HIBCH: variants seen among roughly 807,000 people sequenced by gnomAD.
HIBCH encodes 3-hydroxyisobutyryl-CoA hydrolase, mitochondrial.
A neutral mutation model predicts 58.2 loss-of-function variants in HIBCH; 50 were observed. The ratio of observed to expected loss-of-function variants is 0.86; its 90% CI spans 0.68 to 1.09. The LOEUF (loss-of-function observed/expected upper bound fraction) is 1.09, where lower values mean the gene tolerates loss of function less well. Ranked by LOEUF, HIBCH falls within the 50% of genes least tolerant of loss-of-function variation. The pLI is 0.00. For synonymous variants in HIBCH, 151 were observed against 146.9 expected (o/e 1.03, Z -0.20); for missense variants, 450 against 449.7 (o/e 1.00, Z -0.01).
At chr2:190,233,056 T>C (rs952411938) in intron 11 of HIBCH, among the ~76,000 whole-genome samples, 5 of 152,142 alleles carry the variant, frequency 3.3e-5, no homozygotes, top group Non-Finnish European at 5.9e-5. Context: ...GGAGTGATCT[T>C]GGGGACCCTT....
In HIBCH at chr2:190,261,072, A is replaced by C; in HGVS notation, c.517+84T>G. The C allele has an allele frequency of 3.0e-6, 3 of 998,338 alleles. 1 individual carries two copies. The Admixed American group carries it at 5.5e-5, about 18-fold the overall frequency. 61.8% of individuals were successfully genotyped at this position (998,338 alleles called of 1,614,324 possible). On this transcript the variant is annotated intron_variant, in intron 7 of 13. Transcript: ENST00000359678. The stretch of plus-strand genomic sequence containing the variant: ...TTGCATCTCACACAAGAGTCCATCA[A>C]TTCCTTCAACAACAGTAAACTCTGA...
At chr2:190,224,468 A>T in intron 11 of HIBCH, among the ~76,000 whole-genome samples, 1 of 152,238 alleles carries the variant, frequency 6.6e-6, no homozygotes, top group Non-Finnish European at 1.5e-5. Flanking sequence ...AAACAAAAAA[A>T]AGCAGGGGTT....
At chr2:190,273,729 A>G (rs1399102155) in intron 6 of HIBCH, among the ~76,000 whole-genome samples, 1 of 151,996 alleles carries the variant, frequency 6.6e-6, no homozygotes, top group African/African-American at 2.4e-5. Flanking sequence ...TTTAAATTAC[A>G]TAGGTGGGTG....
chr2:190,300,731 C>A (rs2124834697), intron 2 of HIBCH, among the ~76,000 whole-genome samples: 1 of 152,260 alleles, frequency 6.6e-6, no homozygotes, highest in Non-Finnish European at 1.5e-5. Flanking sequence ...TTTGCCCGTT[C>A]TTATGTCAAG....
chr2:190,291,393 T>C (rs1185770414), intron 4 of HIBCH, among the ~76,000 whole-genome samples: 2 of 152,086 alleles, frequency 1.3e-5, no homozygotes, highest in African/African-American at 4.8e-5. Context: ...GAAGGCTTCC[T>C]AGAAGAGGTA....
At chr2:190,250,369 A>G (rs1416757402) in intron 8 of HIBCH, 2 of 469,634 alleles carry the variant, frequency 4.3e-6, no homozygotes, top group Non-Finnish European at 8.8e-6. Flanking sequence ...TTGTTTTTAC[A>G]CTTACCATAC....
chr2:190,294,026 A>G (rs1309692647), intron 4 of HIBCH, among the ~76,000 whole-genome samples: 1,832 of 32,178 alleles, frequency 0.057, 53 homozygotes, highest in African/African-American at 0.2. Context: ...TTGTGTGTAT[A>G]TATATATATA....
chr2:190,257,733 T>G (rs1686966788), intron 7 of HIBCH, among the ~76,000 whole-genome samples: 1 of 152,138 alleles, frequency 6.6e-6, no homozygotes, highest in Non-Finnish European at 1.5e-5. Flanking sequence ...CACGAGGGCC[T>G]TCTTGGTGCA....
chr2:190,213,257 A>T (rs999970206), intron 11 of HIBCH, 182 bp from the exon 12 acceptor site: 1 of 572,930 alleles, frequency 1.7e-6, no homozygotes. Context: ...AAAACAAAAC[A>T]TCATTCCACA....
At chr2:190,263,933 A>G (rs1323408937) in intron 6 of HIBCH, among the ~76,000 whole-genome samples, 3 of 152,092 alleles carry the variant, frequency 2.0e-5, no homozygotes, top group African/African-American at 7.2e-5. Flanking sequence ...GAGAGCTCTA[A>G]CTTAAAAATA....
intron 6 of HIBCH, among the ~76,000 whole-genome samples, chr2:190,268,891 C>T (rs936113884): frequency 6.6e-5 from 10 of 152,026 alleles, no homozygotes; most frequent in African/African-American, 2.4e-4. Flanking sequence ...GGTATATAGA[C>T]CAATGGAACA....
At position 190,206,808 on chromosome 2, in the gene HIBCH, C is replaced by A. The variant is rs904111116; in HGVS notation, c.1046-1576G>T. 6.6e-6 allele frequency among the ~76,000 whole-genome samples: 1 copy of A among 152,122 alleles called. No individual in the cohort carries two copies. The highest frequency in any genetic ancestry group is 2.1e-4 in the South Asian group (1 of 4,828). On this transcript the variant is annotated intron_variant, in intron 13 of 13. Coordinates refer to ENST00000359678, the MANE Select transcript of HIBCH (RefSeq NM_014362.4). The surrounding 1 kb of genome is among the most constrained non-coding windows in gnomAD (Gnocchi z 5.1). ...AACAGACGCTGCTTTCTGAAAGAGG[C>A]GGCAATATACTTTCTCTTCATTAAA...
intron 2 of HIBCH, among the ~76,000 whole-genome samples, chr2:190,297,679 T>C (rs1436486872): frequency 6.6e-6 from 1 of 152,218 alleles, no homozygotes; most frequent in Non-Finnish European, 1.5e-5. Context: ...AAAACACCTG[T>C]AAGGAACACA....
chr2:190,299,242 G>A (rs969607700), intron 2 of HIBCH, among the ~76,000 whole-genome samples: 1 of 152,122 alleles, frequency 6.6e-6, no homozygotes, highest in African/African-American at 2.4e-5. Context: ...TAAGCAACAC[G>A]TTTATATAAC....
intron 2 of HIBCH, among the ~76,000 whole-genome samples, chr2:190,298,733 A>C (rs2664259): frequency 0.56 from 84,764 of 151,926 alleles, 24,386 homozygotes; most frequent in South Asian, 0.61. Flanking sequence ...TGTGGTGCAG[A>C]AGCTCTTTAG....
chr2:190,316,023 C>T (rs1688703839), intron 1 of HIBCH, among the ~76,000 whole-genome samples: 1 of 152,224 alleles, frequency 6.6e-6, no homozygotes, highest in African/African-American at 2.4e-5. Flanking sequence ...ATCACTGAGA[C>T]ACTGGAATCT....
intron 6 of HIBCH, 94 bp from the exon 7 acceptor site, chr2:190,261,328 T>A: frequency 2.3e-6 from 2 of 888,536 alleles, no homozygotes; most frequent in Non-Finnish European, 1.9e-6. Flanking sequence ...ACAAAGCAAG[T>A]AAATTATCTT....
At chr2:190,235,052 A>G (rs1317217592) in intron 11 of HIBCH, among the ~76,000 whole-genome samples, 2 of 152,116 alleles carry the variant, frequency 1.3e-5, no homozygotes, top group Non-Finnish European at 2.9e-5. Context: ...GTGAAGGGGG[A>G]TGAACTAGAA....
chr2:190,284,430 C>T (rs1687781962), intron 6 of HIBCH, among the ~76,000 whole-genome samples: 1 of 152,116 alleles, frequency 6.6e-6, no homozygotes, highest in African/African-American at 2.4e-5. Context: ...GGGCAGCTTA[C>T]CAATCCTTTC....
Sources: gnomAD v4.1 joint callset for allele counts (sites outside exome capture counted in the v4.1 genomes callset) on GRCh38, gnomAD v4.1.1 for gene constraint, Gnocchi (gnomAD v3.1) non-coding constraint, MANE v1.5 for transcripts, NCBI Gene and HGNC (gene_info 2026-07-23, HGNC 2026-07-21) for gene names.